The following TRNT1 variants were observed in gnomAD, a reference collection of about 807,000 sequenced individuals.
TRNT1 encodes tRNA nucleotidyl transferase 1.
A neutral mutation model predicts 45.6 loss-of-function variants in TRNT1; 44 were observed. That is an observed-to-expected ratio of 0.97 (90% confidence interval 0.76 to 1.24). TRNT1 has a LOEUF of 1.24. Ranked by LOEUF, TRNT1 falls within the 50% of genes most tolerant of loss-of-function variation. The probability of loss-of-function intolerance (pLI) is 0.00; values close to 1 mark genes in which losing one functional copy is unlikely to be tolerated. For synonymous variants in TRNT1, 201 were observed against 171.4 expected (o/e 1.17, Z -1.35); for missense variants, 633 against 504.4 (o/e 1.25, Z -2.44).
chr3:3,136,913 A>T (rs1705364227), intron 2 of TRNT1: 1 of 277,296 alleles, frequency 3.6e-6, no homozygotes, highest in East Asian at 1.0e-4. Flanking sequence ...AGCCTCCCAA[A>T]GTATCAGGAT....
intron 1 of TRNT1, among the ~76,000 whole-genome samples, chr3:3,128,755 CCAGT>C (rs904304195): frequency 2.2e-5 from 3 of 136,628 alleles, no homozygotes; most frequent in East Asian, 2.2e-4. Context: ...TGTAACTCAA[CCAGT>C]CAGTCAGTAC....
chr3:3,143,912 A>T (rs1171781051), intron 4 of TRNT1, among the ~76,000 whole-genome samples: 1 of 152,108 alleles, frequency 6.6e-6, no homozygotes, highest in Non-Finnish European at 1.5e-5. Context: ...TATTAAAGAG[A>T]TTTCTATATT....
Position 3,137,330 on chromosome 3 carries a change from A to G in TRNT1, c.219A>G (p.Val73=). 6.2e-7 allele frequency: 1 copy of G among 1,613,738 alleles called. No individual in the cohort carries two copies. Residue 73 remains valine (V), a synonymous_variant, in exon 3 of 8, where the codon GTA becomes GTG. Coordinates refer to ENST00000251607, the MANE Select transcript of TRNT1 (RefSeq NM_182916.3). The part of the protein sequence containing the change: ...GGAVRDLLNG[V]KPQDIDFATT... ...CAGTGAGGGATTTATTAAATGGAGT[A>G]AAGCCTCAGGATATAGATTTTGCCA...
At chr3:3,136,711 G>A in intron 2 of TRNT1, 1 of 415,656 alleles carries the variant, frequency 2.4e-6, no homozygotes, top group Non-Finnish European at 4.7e-6. Context: ...CTGGAGTGCA[G>A]TGGCACGATC....
intron 2 of TRNT1, chr3:3,130,089 G>C: frequency 3.1e-6 from 3 of 967,812 alleles, no homozygotes; most frequent in Non-Finnish European, 4.6e-6. Context: ...GTTGTCTGCT[G>C]ATGTTGCTAA....
At chr3:3,153,314 A>G (rs377751577), downstream of TRNT1, 1 of 701,762 alleles carries the variant, frequency 1.4e-6, no homozygotes, top group East Asian at 2.6e-5. Flanking sequence ...TTCATTTGCT[A>G]AATGTTTGTA....
At chr3:3,128,945 C>A (rs943019866) in intron 1 of TRNT1, 69 bp from the exon 2 acceptor site, 3 of 1,147,642 alleles carry the variant, frequency 2.6e-6, no homozygotes, top group Non-Finnish European at 3.7e-6. Flanking sequence ...TGAAATGTGT[C>A]CCCCTTTGTT....
intron 3 of TRNT1, 33 bp downstream of exon 3, chr3:3,137,486 C>A: frequency 1.3e-6 from 2 of 1,520,306 alleles, no homozygotes; most frequent in African/African-American, 1.4e-5. Context: ...AATTACATTG[C>A]TTTTTTGGTA....
At chr3:3,151,160 A>T, downstream of TRNT1, 2 of 1,129,150 alleles carry the variant, frequency 1.8e-6, no homozygotes, top group Non-Finnish European at 2.6e-6. Context: ...TAGAGATTCT[A>T]AGTTGAGATT....
intron 4 of TRNT1, among the ~76,000 whole-genome samples, chr3:3,141,925 G>A (rs1266325106): frequency 4.6e-5 from 7 of 152,144 alleles, no homozygotes; most frequent in Non-Finnish European, 1.0e-4. Flanking sequence ...TAAACTCTCA[G>A]AAAAACTTCA....
At chr3:3,146,382 T>G in intron 5 of TRNT1, 48 bp from the exon 6 acceptor site, 14 of 1,448,404 alleles carry the variant, frequency 9.7e-6, no homozygotes, top group Non-Finnish European at 1.2e-5. Flanking sequence ...ATTTTGCTTG[T>G]GATATGCCAA....
intron 2 of TRNT1, among the ~76,000 whole-genome samples, chr3:3,136,505 A>G (rs1048643940): frequency 1.3e-5 from 2 of 152,240 alleles, no homozygotes; most frequent in Non-Finnish European, 1.5e-5. Flanking sequence ...CATAAGTGGT[A>G]TAGACTAATG....
At chr3:3,138,430 A>G (rs1263909072) in intron 3 of TRNT1, among the ~76,000 whole-genome samples, 1 of 152,020 alleles carries the variant, frequency 6.6e-6, no homozygotes, top group African/African-American at 2.4e-5. Flanking sequence ...AGTCTTTCTG[A>G]TCTTTTCATG....
chr3:3,129,320 G>A (rs1273391923), intron 2 of TRNT1, 132 bp downstream of exon 2: 2 of 880,966 alleles, frequency 2.3e-6, no homozygotes, highest in Non-Finnish European at 3.4e-6. Flanking sequence ...CGTAAGTAGA[G>A]GGTCTCTTTG....
At chr3:3,137,788 T>C (rs763600785) in intron 3 of TRNT1, among the ~76,000 whole-genome samples, 4 of 152,212 alleles carry the variant, frequency 2.6e-5, no homozygotes, top group Non-Finnish European at 4.4e-5. Flanking sequence ...TAATTCTCCT[T>C]CTTCTGTCTT....
chr3:3,135,123 G>A (rs917843305), intron 2 of TRNT1, among the ~76,000 whole-genome samples: 1 of 152,242 alleles, frequency 6.6e-6, no homozygotes, highest in South Asian at 2.1e-4. Flanking sequence ...ACAAATTTTG[G>A]TGACTGCTAT....
chr3:3,151,666 C>G (rs1036094520), downstream of TRNT1, among the ~76,000 whole-genome samples: 2 of 152,066 alleles, frequency 1.3e-5, no homozygotes, highest in Admixed American at 6.6e-5. Flanking sequence ...AGTTTTAGTC[C>G]TCACATAGGG....
Position 3,148,130 on chromosome 3 carries a change from T to G in TRNT1, c.1281T>G (p.Leu427=). 1 of 1,613,534 alleles carries G rather than the reference T, an allele frequency of 6.2e-7. No homozygotes were observed. The highest frequency in any genetic ancestry group is 8.5e-7 in the Non-Finnish European group (1 of 1,179,702). Residue 427 remains leucine, a synonymous_variant, in exon 8 of 8, where the codon CTT becomes CTG. Transcript: ENST00000251607. ...GTTACCAAATGGAAAAAGATGAACTTCTGAGTTACATAAAGAAGACCTAAA... is the reference window on the plus strand; with the variant it reads ...GTTACCAAATGGAAAAAGATGAACTGCTGAGTTACATAAAGAAGACCTAAA... The part of the protein sequence containing the change: ...KSGYQMEKDE[L]LSYIKKT
Position 3,146,641 on chromosome 3 carries a change from A to G in TRNT1, c.802+18A>G. The G allele has an allele frequency of 6.6e-7, 1 of 1,524,650 alleles. No homozygotes were observed. The highest frequency in any genetic ancestry group is 8.8e-7 in the Non-Finnish European group (1 of 1,135,484). The allele number at this position is 1,524,650 out of a possible 1,614,324, so 94.4% of individuals were successfully genotyped here. ...TTATATAGGTGAGAGCAAGTTATAAAGTGTTTGAATTTTTGGCAGTGAAAT... is the reference window on the plus strand; with the variant it reads ...TTATATAGGTGAGAGCAAGTTATAAGGTGTTTGAATTTTTGGCAGTGAAAT... On this transcript the variant is annotated intron_variant, in intron 6 of 7. Coordinates refer to ENST00000251607, the MANE Select transcript of TRNT1 (RefSeq NM_182916.3).
Sources: allele counts gnomAD v4.1 joint callset (sites outside exome capture counted in the v4.1 genomes callset), GRCh38; gene constraint gnomAD v4.1.1; transcripts MANE v1.5; gene names NCBI Gene and HGNC (gene_info 2026-07-23, HGNC 2026-07-21).